Variants in LGR4 observed in about 807,000 individuals in gnomAD.
LGR4 encodes leucine rich repeat containing G protein-coupled receptor 4.
LGR4 carries 44 observed loss-of-function variants against 84.8 expected under a neutral mutation model. That is an observed-to-expected ratio of 0.52 (90% CI 0.41 to 0.67). The LOEUF (loss-of-function observed/expected upper bound fraction) is 0.67. LGR4 is among the 30% of genes least tolerant of loss of function. The pLI, the probability that LGR4 is intolerant of heterozygous loss-of-function variation, is 0.00. For missense variants in LGR4, 1,032 were observed against 1,131.4 expected, an observed-to-expected ratio of 0.91 and a Z score of 1.26; for synonymous variants, 429 against 434.3, an observed-to-expected ratio of 0.99 and a Z score of 0.15.
At chr11:27,436,782 T>C (rs1337418662) in intron 1 of LGR4, among the ~76,000 whole-genome samples, 1 of 152,212 alleles carries the variant, frequency 6.6e-6, no homozygotes, top group African/African-American at 2.4e-5. Context: ...GTTCATATGT[T>C]ATTACGTACC....
At chr11:27,414,509 G>A (rs1039618017) in intron 1 of LGR4, among the ~76,000 whole-genome samples, 2 of 151,966 alleles carry the variant, frequency 1.3e-5, no homozygotes, top group Non-Finnish European at 2.9e-5. Context: ...CCCTTTAGAT[G>A]AGTCTTATGA....
intron 2 of LGR4, among the ~76,000 whole-genome samples, chr11:27,401,025 A>G (rs1167042409): frequency 6.6e-6 from 1 of 152,220 alleles, no homozygotes; most frequent in Admixed American, 6.5e-5. Context: ...GCATCTTCAT[A>G]TAACTCTTAT....
intron 4 of LGR4, among the ~76,000 whole-genome samples, chr11:27,386,891 T>C (rs1201310457): frequency 2.0e-4 from 31 of 152,210 alleles, no homozygotes; most frequent in Admixed American, 2.0e-3. Flanking sequence ...TGGGGGCTTT[T>C]AGAACTTGCC....
intron 1 of LGR4, among the ~76,000 whole-genome samples, chr11:27,418,832 C>CTTTT (rs55877673): frequency 1.6e-5 from 2 of 128,752 alleles, no homozygotes; most frequent in Non-Finnish European, 1.6e-5. Context: ...GGATTGAAAT[C>CTTTT]TTTTTTTTTT....
chr11:27,450,305 C>T (rs1189707868), intron 1 of LGR4, among the ~76,000 whole-genome samples: 1 of 152,188 alleles, frequency 6.6e-6, no homozygotes, highest in African/African-American at 2.4e-5. Context: ...GGGTATATTC[C>T]TCTACTTGAA....
rs1461440594 is a variant in LGR4, at chr11:27,472,254, C to T, written c.49G>A (p.Gly17Ser). The change falls in exon 1 of 18, where the codon GGC becomes AGC. Residue 17 changes from glycine to serine, a missense_variant. Gly to Ser is a moderately conservative substitution (Grantham distance 56, BLOSUM62 0). Transcript: ENST00000379214. ...GCCGCGCCGCTGGGCCCGGCCGAGC[C>T]GAGCAGCCCCAGGGCGAGGAAGCAG... ...LLCFLALGLL[G>S]SAGPSGAAPP... 2.3e-6 allele frequency: 3 copies of T among 1,310,720 alleles called. No homozygotes were observed. The highest frequency in any genetic ancestry group is 3.1e-5 in the African/African-American group (2 of 64,152). The allele number at this position is 1,310,720 out of a possible 1,614,324, so 81.2% of individuals were successfully genotyped here. A position where few individuals can be genotyped will look rare whatever the true frequency, so the allele number is the denominator to read the frequency against.
chr11:27,472,206 A>G lies in LGR4; in HGVS notation c.97T>C (p.Cys33Arg). 8.2e-7 allele frequency: 1 copy of G among 1,219,922 alleles called. No homozygotes were observed. Among genetic ancestry groups the G allele is most frequent in the Non-Finnish European group, 1.0e-6 (1 of 956,716 alleles). The allele number at this position is 1,219,922 out of a possible 1,614,324, so 75.6% of individuals were successfully genotyped here. A position where few individuals can be genotyped will look rare whatever the true frequency, so the allele number is the denominator to read the frequency against. The change falls in exon 1 of 18, where the codon TGC (cysteine) becomes CGC (arginine). Residue 33 changes from cysteine (C) to arginine (R), a missense_variant. By Grantham distance (180) the Cys-to-Arg change is radical. Coordinates refer to ENST00000379214, the MANE Select transcript of LGR4 (RefSeq NM_018490.5). ...GAAPPLCAAP[C>R]SCDGDRRVDC... Reference sequence around the variant, plus strand: ...ACCCGACGGTCGCCGTCGCAGCTGCAGGGCGCCGCGCAGAGAGGCGGCGCC... The same window carrying G: ...ACCCGACGGTCGCCGTCGCAGCTGCGGGGCGCCGCGCAGAGAGGCGGCGCC...
intron 1 of LGR4, among the ~76,000 whole-genome samples, chr11:27,451,772 T>C (rs965887320): frequency 6.6e-6 from 1 of 152,236 alleles, no homozygotes; most frequent in Admixed American, 6.5e-5. Flanking sequence ...ATTCAGCTAC[T>C]AATTCACAGG....
At position 27,392,460 on chromosome 11, in the gene LGR4, C is replaced by G; in HGVS notation, c.316G>C (p.Glu106Gln). The G allele has an allele frequency of 1.9e-6, 3 of 1,591,948 alleles. No homozygotes were observed. The highest frequency in any genetic ancestry group is 2.6e-6 in the Non-Finnish European group (3 of 1,172,748). ...TGCATTACTTACAGAACTTTGAGTT[C>G]TTTCAACCCAGACAAGGCCTTTGGG... Reference protein sequence around the residue: ...IHPKALSGLKELKVLTLQNNQ... With the variant: ...IHPKALSGLKQLKVLTLQNNQ... The change falls in exon 3 of 18, where the codon GAA (glutamate) becomes CAA (glutamine). Residue 106 changes from glutamate (E) to glutamine (Q), a missense_variant. Glu to Gln is a conservative substitution (Grantham distance 29). Transcript: ENST00000379214.
chr11:27,375,294 T>A (rs767739947), intron 13 of LGR4, among the ~76,000 whole-genome samples: 1 of 93,976 alleles, frequency 1.1e-5, no homozygotes, highest in African/African-American at 3.7e-5. Context: ...AGAGACCCTG[T>A]CTCAAAAAAA....
intron 1 of LGR4, among the ~76,000 whole-genome samples, chr11:27,450,241 A>G (rs1175589052): frequency 6.6e-6 from 1 of 152,202 alleles, no homozygotes; most frequent in African/African-American, 2.4e-5. Context: ...TATGCTACCA[A>G]AAAAATTTAA....
intron 1 of LGR4, among the ~76,000 whole-genome samples, chr11:27,422,616 T>C (rs1167532579): frequency 1.3e-5 from 2 of 152,206 alleles, no homozygotes; most frequent in African/African-American, 2.4e-5. Context: ...TTCGAATATA[T>C]TGTCCATGAA....
Position 27,368,656 on chromosome 11 carries a change from T to G in LGR4, c.2067A>C (p.Ala689=), listed in dbSNP as rs773992909. ...FPLFHRGEYS[A]SPLCLPFPTG... ...TAGGAAATGGCAAACAAAGGGGTGATGCAGAATATTCCCCTCTATGGAAAA... is the reference window on the plus strand; with the variant it reads ...TAGGAAATGGCAAACAAAGGGGTGAGGCAGAATATTCCCCTCTATGGAAAA... The change falls in exon 18 of 18, where the codon GCA becomes GCC. Residue 689 remains alanine, a synonymous_variant. Coordinates refer to ENST00000379214, the MANE Select transcript of LGR4 (RefSeq NM_018490.5). 21 of 1,614,032 alleles carry G rather than the reference T, an allele frequency of 1.3e-5. No individual in the cohort carries two copies. The highest frequency in any genetic ancestry group is 7.7e-5 in the South Asian group (7 of 91,026).
chr11:27,439,538 G>A (rs1423543344), intron 1 of LGR4, among the ~76,000 whole-genome samples: 1 of 152,176 alleles, frequency 6.6e-6, no homozygotes, highest in African/African-American at 2.4e-5. Flanking sequence ...GAGCACAGGT[G>A]TGCAAATATT....
chr11:27,448,778 A>G (rs1646044126), intron 1 of LGR4, among the ~76,000 whole-genome samples: 1 of 152,176 alleles, frequency 6.6e-6, no homozygotes, highest in Non-Finnish European at 1.5e-5. Context: ...TTTCTAGAAG[A>G]GAGTAATGAG....
chr11:27,387,041 C>T (rs373651745), intron 4 of LGR4, among the ~76,000 whole-genome samples: 48 of 152,220 alleles, frequency 3.2e-4, no homozygotes, highest in Admixed American at 5.2e-4. Context: ...CACACACATG[C>T]GCACACGCAC....
chr11:27,394,956 C>T (rs946718994), intron 2 of LGR4, among the ~76,000 whole-genome samples: 1 of 152,064 alleles, frequency 6.6e-6, no homozygotes, highest in African/African-American at 2.4e-5. Flanking sequence ...TCAGAAGCTC[C>T]TCCTTGAAAA....
intron 1 of LGR4, among the ~76,000 whole-genome samples, chr11:27,432,844 G>A (rs1296222101): frequency 1.3e-5 from 2 of 152,030 alleles, no homozygotes; most frequent in East Asian, 1.9e-4. Context: ...CTCCTTACCC[G>A]TATATCCTCC....
At chr11:27,399,612 T>G (rs969250250) in intron 2 of LGR4, among the ~76,000 whole-genome samples, 1 of 151,836 alleles carries the variant, frequency 6.6e-6, no homozygotes, top group Non-Finnish European at 1.5e-5. Flanking sequence ...CTCAGCCTCC[T>G]GGGTTCAAGC....
Sources: allele counts gnomAD v4.1 joint callset (sites outside exome capture counted in the v4.1 genomes callset), GRCh38; gene constraint gnomAD v4.1.1; transcripts MANE v1.5; gene names NCBI Gene and HGNC (gene_info 2026-07-23, HGNC 2026-07-21).